KIF16B: variants seen among roughly 807,000 people sequenced by gnomAD.
The protein encoded by KIF16B is kinesin-like protein KIF16B.
In KIF16B, 98 loss-of-function variants were observed where a neutral mutation model predicts 156.3. The ratio of observed to expected loss-of-function variants is 0.63; its 90% CI spans 0.53 to 0.74. The LOEUF (loss-of-function observed/expected upper bound fraction) is 0.74, where lower values mean the gene tolerates loss of function less well. KIF16B is among the 30% of genes least tolerant of loss of function. The pLI, the probability that KIF16B is intolerant of heterozygous loss-of-function variation, is 0.00. For synonymous variants in KIF16B, 564 were observed against 583.7 expected (o/e 0.97, Z 0.49); for missense variants, 1,421 against 1,606.5 (o/e 0.88, Z 1.97).
intron 22 of KIF16B, chr20:16,367,017 G>T: frequency 7.5e-7 from 1 of 1,340,212 alleles, no homozygotes; most frequent in Non-Finnish European, 9.6e-7. Context: ...CAATTTTAGA[G>T]GTCTGCATTT....
At chr20:16,348,712 T>C (rs190204197) in intron 23 of KIF16B, among the ~76,000 whole-genome samples, 64 of 152,304 alleles carry the variant, frequency 4.2e-4, no homozygotes, top group African/African-American at 1.3e-3. Flanking sequence ...GCAAATCTCA[T>C]AGGATCTGTC....
chr20:16,410,468 T>C (rs951323228), intron 15 of KIF16B, among the ~76,000 whole-genome samples: 57 of 151,942 alleles, frequency 3.8e-4, no homozygotes, highest in Admixed American at 3.3e-3. Context: ...TTCAGAATAC[T>C]GGAATATATA....
chr20:16,282,079 T>A (rs1262415780), intron 25 of KIF16B, among the ~76,000 whole-genome samples: 1 of 147,896 alleles, frequency 6.8e-6, no homozygotes. Flanking sequence ...TCACTCAGGC[T>A]GGAGTGCAGT....
chr20:16,401,314 C>T (rs1341753485), intron 17 of KIF16B, among the ~76,000 whole-genome samples: 1 of 152,224 alleles, frequency 6.6e-6, no homozygotes, highest in Non-Finnish European at 1.5e-5. Context: ...CCTCTTCCCA[C>T]CTATGGCTTA....
chr20:16,312,537 A>G (rs759207771), intron 24 of KIF16B, 119 bp from the exon 25 acceptor site: 5 of 773,442 alleles, frequency 6.5e-6, no homozygotes, highest in Non-Finnish European at 1.1e-5. Flanking sequence ...TGAAAGTTTA[A>G]AGATGGTGGG....
chr20:16,476,994 G>A (rs6043993), intron 12 of KIF16B, among the ~76,000 whole-genome samples: 57,455 of 151,722 alleles, frequency 0.38, 12,490 homozygotes, highest in African/African-American at 0.6. Flanking sequence ...TAATCCGCCC[G>A]CCTCAGCCTC....
intron 14 of KIF16B, among the ~76,000 whole-genome samples, chr20:16,428,555 C>G (rs1568970863): frequency 1.3e-5 from 2 of 152,152 alleles, no homozygotes; most frequent in Non-Finnish European, 2.9e-5. Context: ...TTTGTGAAGA[C>G]AGTGCCTACA....
chr20:16,412,365 C>A (rs2065979085), intron 15 of KIF16B, among the ~76,000 whole-genome samples: 1 of 151,996 alleles, frequency 6.6e-6, no homozygotes, highest in African/African-American at 2.4e-5. Context: ...TGGGCACAGG[C>A]AACTCTTTCA....
At chr20:16,566,037 C>G (rs950183631) in intron 1 of KIF16B, among the ~76,000 whole-genome samples, 3 of 152,218 alleles carry the variant, frequency 2.0e-5, no homozygotes, top group Non-Finnish European at 2.9e-5. Flanking sequence ...AGCTCCAGAT[C>G]GTGGGATTAT....
chr20:16,488,970 G>A (rs985977383), intron 12 of KIF16B, among the ~76,000 whole-genome samples: 2 of 152,146 alleles, frequency 1.3e-5, no homozygotes, highest in African/African-American at 4.8e-5. Context: ...GCCTAACCAC[G>A]AAACAGAAAC....
At chr20:16,330,856 G>C (rs2063935776) in intron 24 of KIF16B, among the ~76,000 whole-genome samples, 1 of 152,226 alleles carries the variant, frequency 6.6e-6, no homozygotes, top group South Asian at 2.1e-4. Flanking sequence ...AAGAGACACT[G>C]GCTCCCTTCT....
At chr20:16,482,506 C>T (rs2068008753) in intron 12 of KIF16B, among the ~76,000 whole-genome samples, 1 of 151,932 alleles carries the variant, frequency 6.6e-6, no homozygotes, top group East Asian at 1.9e-4. Context: ...GAGAACACAC[C>T]CGCATTTGGA....
chr20:16,400,851 A>T (rs1175706271), intron 17 of KIF16B, among the ~76,000 whole-genome samples: 1 of 152,166 alleles, frequency 6.6e-6, no homozygotes, highest in Non-Finnish European at 1.5e-5. Context: ...TGGGGGAAGG[A>T]GGGAATGGAA....
intron 12 of KIF16B, among the ~76,000 whole-genome samples, chr20:16,442,578 T>C (rs2066832506): frequency 6.6e-6 from 1 of 152,100 alleles, no homozygotes; most frequent in East Asian, 1.9e-4. Flanking sequence ...TTCCTAGCTT[T>C]TTTAATTACA....
chr20:16,498,082 A>G (rs1352437270), intron 10 of KIF16B, among the ~76,000 whole-genome samples: 1 of 152,204 alleles, frequency 6.6e-6, no homozygotes, highest in African/African-American at 2.4e-5. Context: ...TTACTGATAC[A>G]TGAAAATGAA....
chr20:16,404,105 G>A (rs918282420), intron 17 of KIF16B, among the ~76,000 whole-genome samples: 1 of 152,188 alleles, frequency 6.6e-6, no homozygotes, highest in Non-Finnish European at 1.5e-5. Flanking sequence ...ATAAATGACA[G>A]TTCTAGAAAA....
chr20:16,487,416 A>G lies in KIF16B; in HGVS notation c.1302+6875T>C, dbSNP rs1250506945. Among the ~76,000 whole-genome samples the G allele has an allele frequency of 2.6e-5, 4 of 152,288 alleles. No homozygotes were observed. The East Asian group carries it at 7.7e-4, about 29-fold the overall frequency. On this transcript the variant is annotated intron_variant, in intron 12 of 25. Coordinates refer to ENST00000354981, the MANE Select transcript of KIF16B (RefSeq NM_024704.5). ...TGTTCCACAAACCTGACCCGCCTAC[A>G]AGCCTGCTGAGCAACAGCCCCAGTT... is the stretch of plus-strand genomic sequence containing the variant.
At chr20:16,355,083 T>A (rs895545026) in intron 23 of KIF16B, among the ~76,000 whole-genome samples, 4 of 151,746 alleles carry the variant, frequency 2.6e-5, no homozygotes, top group Non-Finnish European at 4.4e-5. Flanking sequence ...ATCCTAAAAG[T>A]CTGGTTAGCT....
At chr20:16,404,970 G>T in intron 16 of KIF16B, 69 bp from the exon 17 acceptor site, 1 of 1,070,688 alleles carries the variant, frequency 9.3e-7, no homozygotes, top group South Asian at 1.3e-5. Context: ...TGGACTCATT[G>T]CTTCCAACAT....
Sources: gnomAD v4.1 joint callset for allele counts (sites outside exome capture counted in the v4.1 genomes callset) on GRCh38, gnomAD v4.1.1 for gene constraint, MANE v1.5 for transcripts, NCBI Gene and HGNC (gene_info 2026-07-23, HGNC 2026-07-21) for gene names.